Variants in WARS1 observed in about 807,000 individuals in gnomAD.
WARS1 encodes tryptophan--tRNA ligase, cytoplasmic.
A neutral mutation model predicts 47.8 loss-of-function variants in WARS1; 17 were observed. The ratio of observed to expected loss-of-function variants is 0.36; its 90% CI spans 0.24 to 0.53. The LOEUF (loss-of-function observed/expected upper bound fraction) is 0.53, where lower values mean the gene tolerates loss of function less well. Ranked by LOEUF, WARS1 falls within the 20% of genes least tolerant of loss-of-function variation. The pLI is 0.91. For synonymous variants in WARS1, 208 were observed against 228.1 expected (o/e 0.91, Z 0.79); for missense variants, 434 against 608.0 (o/e 0.71, Z 3.01).
At chr14:100,370,782 G>GA (rs34312584) in intron 1 of WARS1, among the ~76,000 whole-genome samples, 97,883 of 145,736 alleles carry the variant, frequency 0.67, 33,813 homozygotes, top group Admixed American at 0.8. Context: ...ACAAAAAAAT[G>GA]AAAAAAAAAA....
chr14:100,355,766 GT>G (rs1464560660), intron 4 of WARS1, among the ~76,000 whole-genome samples: 1 of 152,148 alleles, frequency 6.6e-6, no homozygotes, highest in Non-Finnish European at 1.5e-5. Flanking sequence ...AATTGTGGGT[GT>G]TCTGGTTTTT....
At chr14:100,344,485 AGCCTCTG>A in intron 7 of WARS1, among the ~76,000 whole-genome samples, 2 of 152,192 alleles carry the variant, frequency 1.3e-5, no homozygotes, top group Non-Finnish European at 2.9e-5. Context: ...CCGAGATTGC[AGCCTCTG>A]CATGGCCGCC....
chr14:100,343,315 C>A lies in WARS1; in HGVS notation c.899G>T (p.Arg300Met), dbSNP rs1383140102. The A allele has an allele frequency of 1.2e-6, 2 of 1,613,308 alleles. No individual in the cohort carries two copies. The highest frequency in any genetic ancestry group is 3.3e-5 in the Admixed American group (2 of 59,970). Residue 300 changes from arginine to methionine, a missense_variant, in exon 8 of 11, where the codon AGG becomes ATG. Physicochemically the swap from Arg to Met is moderately conservative, Grantham distance 91 (BLOSUM62 -1). Coordinates refer to ENST00000392882, the MANE Select transcript of WARS1 (RefSeq NM_004184.4). The stretch of plus-strand genomic sequence containing the variant: ...TGGGATAAGGCACTGGATATCCGTC[C>A]TGTCTCGGAAGATCTGTGGGAATGA... ...SNSFPQIFRDRTDIQCLIPCA... is the reference protein window; with the variant it reads ...SNSFPQIFRDMTDIQCLIPCA...
intron 9 of WARS1, among the ~76,000 whole-genome samples, chr14:100,339,148 G>A (rs1200907699): frequency 6.8e-6 from 1 of 146,350 alleles, no homozygotes; most frequent in Non-Finnish European, 1.5e-5. Flanking sequence ...CACACACACA[G>A]AATTCTAGAG....
In WARS1 at chr14:100,369,169, G is replaced by A. The variant is rs766106321; in HGVS notation, c.17C>T (p.Pro6Leu). 6.6e-7 allele frequency: 1 copy of A among 1,523,814 alleles called. No homozygotes were observed. 94.4% of individuals were successfully genotyped at this position (1,523,814 alleles called of 1,614,324 possible). Residue 6 changes from proline to leucine, a missense_variant, in exon 2 of 11, where the codon CCC becomes CTC. Coordinates refer to ENST00000392882, the MANE Select transcript of WARS1 (RefSeq NM_004184.4). The stretch of plus-strand genomic sequence containing the variant: ...GTTGAACAGCTCCAGCAGAGATGCG[G>A]GCTCACTGTTGGGCATGTTTGCTAT... Reference protein sequence around the residue: MPNSEPASLLELFNSI... With the variant: MPNSELASLLELFNSI...
At chr14:100,351,404 C>G (rs902915499) in intron 6 of WARS1, among the ~76,000 whole-genome samples, 1 of 150,676 alleles carries the variant, frequency 6.6e-6, no homozygotes, top group African/African-American at 2.4e-5. Context: ...GTAATCGCAG[C>G]ACTTTGGGAG....
chr14:100,343,420 G>C (rs1425656368), intron 7 of WARS1, 33 bp from the exon 8 acceptor site: 3 of 1,531,886 alleles, frequency 2.0e-6, no homozygotes, highest in Non-Finnish European at 2.7e-6. Context: ...TTACACGTGA[G>C]ATGAGTTCCT....
Position 100,361,821 on chromosome 14 carries a change from G to C in WARS1, c.200C>G (p.Pro67Arg). The stretch of plus-strand genomic sequence containing the variant: ...TGGGCCATGATTACTGGTAGGTGCT[G>C]GGTTCCCTGGAGGACAGTCAGCCTT... Reference protein sequence around the residue: ...DYKADCPPGNPAPTSNHGPDA... With the variant: ...DYKADCPPGNRAPTSNHGPDA... Residue 67 changes from proline (P) to arginine (R), a missense_variant, in exon 3 of 11, where the codon CCA becomes CGA. Pro to Arg is a moderately radical substitution (Grantham distance 103). Coordinates refer to ENST00000392882, the MANE Select transcript of WARS1 (RefSeq NM_004184.4). 1 of 1,614,170 alleles carries C rather than the reference G, an allele frequency of 6.2e-7. No homozygotes were observed. Among genetic ancestry groups the C allele is most frequent in the South Asian group, 1.1e-5 (1 of 91,084 alleles).
chr14:100,345,993 C>T (rs1185787503), intron 7 of WARS1, among the ~76,000 whole-genome samples: 2 of 152,246 alleles, frequency 1.3e-5, no homozygotes, highest in Admixed American at 6.5e-5. Flanking sequence ...GCCCCGGCAG[C>T]GCATCCCAGG....
intron 4 of WARS1, among the ~76,000 whole-genome samples, chr14:100,359,804 AATT>A (rs1247852406): frequency 5.9e-5 from 9 of 152,210 alleles, no homozygotes; most frequent in Non-Finnish European, 1.3e-4. Context: ...AATTAAGGAA[AATT>A]TTTTATTATA....
rs79878944 is a variant in WARS1, at chr14:100,334,893, C to T, written c.1398G>A (p.Leu466=). The T allele has an allele frequency of 1.2e-6, 2 of 1,614,016 alleles. No homozygotes were observed. The highest frequency in any genetic ancestry group is 8.5e-7 in the Non-Finnish European group (1 of 1,179,950). The part of the protein sequence containing the change: ...IVKEFMTPRK[L]SFDFQ Reference sequence around the variant, plus strand: ...ACGAGTGCTACTGAAAGTCGAAGGACAGCTTCCGGGGAGTCATGAACTCTT... The same window carrying T: ...ACGAGTGCTACTGAAAGTCGAAGGATAGCTTCCGGGGAGTCATGAACTCTT... Residue 466 remains leucine, a synonymous_variant, in exon 11 of 11, where the codon CTG becomes CTA. Coordinates refer to ENST00000392882, the MANE Select transcript of WARS1 (RefSeq NM_004184.4).
At position 100,361,726 on chromosome 14, in the gene WARS1, C is replaced by T; in HGVS notation, c.295G>A (p.Asp99Asn). The change falls in exon 3 of 11, where the codon GAC becomes AAC. Residue 99 changes from aspartate (D) to asparagine (N), a missense_variant. By Grantham distance (23) the Asp-to-Asn change is conservative (BLOSUM62 1). Transcript: ENST00000392882. ...GACGTACCAATGAGCTTATCGTAGT[C>T]TATGCCTTTTGCACTGCTTGTCTGT... ...TVQTSSAKGI[D>N]YDKLIVRFGS... 9.3e-6 allele frequency: 15 copies of T among 1,614,184 alleles called. No homozygotes were observed. Among genetic ancestry groups the T allele is most frequent in the Non-Finnish European group, 1.3e-5 (15 of 1,180,042 alleles).
chr14:100,337,366 G>A (rs917910536), intron 9 of WARS1, among the ~76,000 whole-genome samples, 164 bp from the exon 10 acceptor site: 1 of 152,104 alleles, frequency 6.6e-6, no homozygotes. Context: ...AGCCAGTGGG[G>A]GACCCACTGC....
intron 7 of WARS1, among the ~76,000 whole-genome samples, chr14:100,346,065 A>G (rs1180019966): frequency 2.0e-5 from 3 of 152,248 alleles, no homozygotes; most frequent in Non-Finnish European, 4.4e-5. Flanking sequence ...GAAGCCACGC[A>G]CCAAACATCA....
rs1277780118 is a variant in WARS1 at position 100,345,537 on chromosome 14, G to A, written c.826+1209C>T. Among the ~76,000 whole-genome samples the A allele has an allele frequency of 4.5e-3, 678 of 151,586 alleles. 2 individuals are homozygous for A. The highest frequency in any genetic ancestry group is 7.2e-3 in the Admixed American group (110 of 15,244). On this transcript the variant is annotated intron_variant, in intron 7 of 10. Transcript: ENST00000392882. ...ACACAAACACTGCGGAAGGCCGCAG[G>A]GTCCTCTGCCTAGGAAAACCAGAGA...
At chr14:100,357,151 C>T (rs1816323488) in intron 4 of WARS1, among the ~76,000 whole-genome samples, 1 of 152,024 alleles carries the variant, frequency 6.6e-6, no homozygotes, top group Admixed American at 6.6e-5. Flanking sequence ...TATAGAAAGC[C>T]CACAGCTAAC....
chr14:100,362,301 C>T (rs530656815), intron 2 of WARS1, among the ~76,000 whole-genome samples: 3 of 152,198 alleles, frequency 2.0e-5, no homozygotes, highest in Non-Finnish European at 4.4e-5. Flanking sequence ...GTGTGACAAG[C>T]TCCTTTAATT....
chr14:100,362,451 A>G (rs1895717486), intron 2 of WARS1, among the ~76,000 whole-genome samples: 1 of 152,170 alleles, frequency 6.6e-6, no homozygotes, highest in Non-Finnish European at 1.5e-5. Context: ...CAAAAAATGT[A>G]GGCTCTCAGG....
rs751522726 is a variant in WARS1, at chr14:100,353,818, G to A, written c.594C>T (p.Asp198=). 8.1e-6 allele frequency: 13 copies of A among 1,613,950 alleles called. No individual in the cohort carries two copies. Among genetic ancestry groups the A allele is most frequent in the African/African-American group, 4.0e-5 (3 of 74,862 alleles). The change falls in exon 6 of 11, where the codon GAC becomes GAT. Residue 198 remains aspartate, a synonymous_variant. Coordinates refer to ENST00000392882, the MANE Select transcript of WARS1 (RefSeq NM_004184.4). ...NVPLVIQMTD[D]EKYLWKDLTL... is the part of the protein sequence containing the mutation. The stretch of plus-strand genomic sequence containing the variant: ...TCAGGTCCTTCCACAGATACTTCTC[G>A]TCATCCGTCATCTGGATGACCAAGG...
Sources: gnomAD v4.1 joint callset for allele counts (sites outside exome capture counted in the v4.1 genomes callset) on GRCh38, gnomAD v4.1.1 for gene constraint, MANE v1.5 for transcripts, NCBI Gene and HGNC (gene_info 2026-07-23, HGNC 2026-07-21) for gene names.